PSME1: variants seen among roughly 807,000 people sequenced by gnomAD.
The protein encoded by PSME1 is proteasome activator complex subunit 1.
Under a neutral mutation model 38.4 loss-of-function variants are expected in PSME1, and 15 were observed. That is an observed-to-expected ratio of 0.39 (90% CI 0.26 to 0.60). The LOEUF is 0.60. Among genes scored for constraint, PSME1 ranks in the 20% least tolerant of loss-of-function variants. PSME1 has a pLI of 0.53. For synonymous variants in PSME1, 106 were observed against 106.8 expected (o/e 0.99, Z 0.05); for missense variants, 249 against 305.6 (o/e 0.81, Z 1.38).
Position 24,137,209 on chromosome 14 carries a change from C to T in PSME1, c.135+4C>T, listed in dbSNP as rs1219336587. 1 of 1,613,994 alleles carries T rather than the reference C, an allele frequency of 6.2e-7. No homozygotes were observed. Among genetic ancestry groups the T allele is most frequent in the South Asian group, 1.1e-5 (1 of 91,078 alleles). Reference sequence around the variant, plus strand: ...TGAGCTGGATGCATTTTTAAAGGTACCGCGGCTGGGCAGGGAGCTAGGGAG... The same window carrying T: ...TGAGCTGGATGCATTTTTAAAGGTATCGCGGCTGGGCAGGGAGCTAGGGAG... On this transcript the variant is annotated splice_donor_region_variant and intron_variant, in intron 3 of 10. Transcript: ENST00000206451.
Position 24,136,513 on chromosome 14 carries a change from A to G in PSME1, c.39+212A>G, listed in dbSNP as rs1364920194. On this transcript the variant is annotated intron_variant, in intron 1 of 10. Transcript: ENST00000206451. The surrounding 1 kb of genome is among the most constrained non-coding windows in gnomAD (Gnocchi z 4.8). ...GGTTCTGCGGGGTGAGGTGAAGCGG[A>G]GAGCTGGCGTGGAGGGGAACTCCGC... is the stretch of plus-strand genomic sequence containing the variant. 1.3e-5 allele frequency among the ~76,000 whole-genome samples: 2 copies of G among 152,250 alleles called. No individual in the cohort carries two copies. The highest frequency in any genetic ancestry group is 2.1e-4 in the South Asian group (1 of 4,828).
chr14:24,138,676 A>G (rs2037966527), intron 10 of PSME1, 60 bp from the exon 11 acceptor site: 3 of 1,613,782 alleles, frequency 1.9e-6, no homozygotes, highest in African/African-American at 2.7e-5. Flanking sequence ...CCACAAGGCT[A>G]GAAATGGGGC....
Position 24,136,232 on chromosome 14 carries a change from CT to C in PSME1, c.-29del. The C allele has an allele frequency of 6.6e-7, 1 of 1,518,128 alleles. No individual in the cohort carries two copies. Among genetic ancestry groups the C allele is most frequent in the Non-Finnish European group, 8.8e-7 (1 of 1,133,372 alleles). The allele number at this position is 1,518,128 out of a possible 1,614,324, so 94.0% of individuals were successfully genotyped here. A position where few individuals can be genotyped will look rare whatever the true frequency, so the allele number is the denominator to read the frequency against. ...TCCCTTCGCGGTGCCCACTCCACTCCTTGTGCGGCGCTAGGCCCCCCGTCCC... is the reference window on the plus strand; with the variant it reads ...TCCCTTCGCGGTGCCCACTCCACTCCTGTGCGGCGCTAGGCCCCCCGTCCC... On this transcript the variant is annotated 5_prime_UTR_variant, in exon 1 of 11. Coordinates refer to ENST00000206451, the MANE Select transcript of PSME1 (RefSeq NM_006263.4). The surrounding 1 kb of genome is among the most constrained non-coding windows in gnomAD (Gnocchi z 4.8).
chr14:24,137,362 C>T lies in PSME1; in HGVS notation c.177C>T (p.Ala59=), dbSNP rs1594354970. 5.6e-6 allele frequency: 9 copies of T among 1,613,994 alleles called. No homozygotes were observed. Among genetic ancestry groups the T allele is most frequent in the Non-Finnish European group, 7.6e-6 (9 of 1,180,022 alleles). ...AAGCCAACTTGAGCAATCTGAAGGC[C>T]CCATTGGACATCCCAGTGCCTGATC... ...LNEANLSNLK[A]PLDIPVPDPV... Residue 59 remains alanine (A), a synonymous_variant, in exon 4 of 11, where the codon GCC becomes GCT. Coordinates refer to ENST00000206451, the MANE Select transcript of PSME1 (RefSeq NM_006263.4).
Position 24,137,974 on chromosome 14 carries a change from G to A in PSME1, c.391-75G>A, listed in dbSNP as rs916854747. The A allele has an allele frequency of 7.6e-6, 12 of 1,569,322 alleles. No homozygotes were observed. In the African/African-American group the frequency reaches 1.5e-4, roughly 19 times the overall value. The stretch of plus-strand genomic sequence containing the variant: ...GGCACGCCTCCACCCAGTGTGGGGA[G>A]GGAAGCAAGGGAGAATATGAAACTG... On this transcript the variant is annotated intron_variant, in intron 6 of 10. Transcript: ENST00000206451.
At position 24,138,270 on chromosome 14, in the gene PSME1, GACC is replaced by G; in HGVS notation, c.527+11_527+13del. On this transcript the variant is annotated splice_region_variant and intron_variant, in intron 8 of 10. Transcript: ENST00000206451. ...TCCACACTCAAATCTCTAAGTGAGT[GACC>G]ACCCATGTGCACACTGTTTTTGTTT... The G allele has an allele frequency of 6.2e-7, 1 of 1,614,092 alleles. No homozygotes were observed.
rs1171349279 is a variant in PSME1, at chr14:24,137,660, CA to C, written c.293-39del. 3.7e-6 allele frequency: 6 copies of C among 1,609,530 alleles called. No individual in the cohort carries two copies. The African/African-American group carries it at 5.3e-5, about 14-fold the overall frequency. ...TCCAGTCTCCCCTTCGCCCCTCACA[CA>C]GGCTCAATCATGTGACTGACCCATT... On this transcript the variant is annotated intron_variant, in intron 5 of 10. Coordinates refer to ENST00000206451, the MANE Select transcript of PSME1 (RefSeq NM_006263.4).
Position 24,138,503 on chromosome 14 carries a change from G to C in PSME1, c.612G>C (p.Leu204=). 1 of 1,614,066 alleles carries C rather than the reference G, an allele frequency of 6.2e-7. No individual in the cohort carries two copies. The highest frequency in any genetic ancestry group is 8.5e-7 in the Non-Finnish European group (1 of 1,180,044). Residue 204 remains leucine, a synonymous_variant, in exon 10 of 11, where the codon CTG becomes CTC. Transcript: ENST00000206451. ...ATTATCGGCAGCTGGTGCACGAGCT[G>C]GATGAGGCAGAGTACCGGGACATCC... The part of the protein sequence containing the change: ...VGDYRQLVHE[L]DEAEYRDIRL...
At position 24,136,213 on chromosome 14, in the gene PSME1, C is replaced by T. The variant is rs1216083274; in HGVS notation, c.-50C>T. 3.3e-6 allele frequency: 5 copies of T among 1,508,362 alleles called. No homozygotes were observed. Among genetic ancestry groups the T allele is most frequent in the South Asian group, 1.3e-5 (1 of 79,768 alleles). 93.4% of individuals were successfully genotyped at this position (1,508,362 alleles called of 1,614,324 possible). On this transcript the variant is annotated 5_prime_UTR_variant, in exon 1 of 11. Coordinates refer to ENST00000206451, the MANE Select transcript of PSME1 (RefSeq NM_006263.4). The surrounding 1 kb of genome is among the most constrained non-coding windows in gnomAD (Gnocchi z 4.8). ...CGCCCTACCGCTTTCGCTTTCCCTTCGCGGTGCCCACTCCACTCCTTGTGC... is the reference window on the plus strand; with the variant it reads ...CGCCCTACCGCTTTCGCTTTCCCTTTGCGGTGCCCACTCCACTCCTTGTGC...
Position 24,137,450 on chromosome 14 carries a change from G to T in PSME1, c.246+19G>T. ...GCAGGAGGCAAGCTGGGAAGACCTG[G>T]GAGAAGGGATCCAACTATGGGGGTA... On this transcript the variant is annotated intron_variant, in intron 4 of 10. Transcript: ENST00000206451. The T allele has an allele frequency of 6.2e-7, 1 of 1,614,078 alleles. No individual in the cohort carries two copies. Among genetic ancestry groups the T allele is most frequent in the Non-Finnish European group, 8.5e-7 (1 of 1,179,938 alleles).
Position 24,136,916 on chromosome 14 carries a change from C to T in PSME1, c.40-69C>T. The stretch of plus-strand genomic sequence containing the variant: ...TCCCCAGGTCAGGCCCTACATAACC[C>T]TAAGGGAACTGTCCTCAAATGAACT... On this transcript the variant is annotated intron_variant, in intron 1 of 10. Transcript: ENST00000206451. The surrounding 1 kb of genome is among the most constrained non-coding windows in gnomAD (Gnocchi z 4.8). The T allele has an allele frequency of 6.3e-7, 1 of 1,598,804 alleles. No homozygotes were observed. Among genetic ancestry groups the T allele is most frequent in the South Asian group, 1.1e-5 (1 of 90,666 alleles).
chr14:24,138,196 GAGA>G lies in PSME1; in HGVS notation c.463_465del (p.Lys155del), dbSNP rs2037948802. On this transcript the variant is annotated inframe_deletion and splice_region_variant, in exon 8 of 11. Transcript: ENST00000206451. Reference sequence around the variant, plus strand: ...TTTCCCCCTTGCTTTTTTTCCCTAGGAGAAGGTGTTTGAGCTGATGACCAGCCT... The same window carrying G: ...TTTCCCCCTTGCTTTTTTTCCCTAGGAGGTGTTTGAGCTGATGACCAGCCT... The G allele has an allele frequency of 6.2e-7, 1 of 1,613,910 alleles. No homozygotes were observed. Among genetic ancestry groups the G allele is most frequent in the Non-Finnish European group, 8.5e-7 (1 of 1,180,000 alleles).
At chr14:24,138,012 A>G in intron 6 of PSME1, 37 bp from the exon 7 acceptor site, 4 of 1,608,240 alleles carry the variant, frequency 2.5e-6, no homozygotes, top group Non-Finnish European at 3.4e-6. Context: ...AATTGGGTAG[A>G]GGGCTGATGT....
Position 24,137,156 on chromosome 14 carries a change from T to C in PSME1, c.86T>C (p.Leu29Pro). ...EDLCTKTENLLGSYFPKKISE... is the reference protein window; with the variant it reads ...EDLCTKTENLPGSYFPKKISE... Reference sequence around the variant, plus strand: ...CCTCACACACAGACAGAGAACCTGCTCGGGAGCTATTTCCCCAAGAAGATT... The same window carrying C: ...CCTCACACACAGACAGAGAACCTGCCCGGGAGCTATTTCCCCAAGAAGATT... Residue 29 changes from leucine (L) to proline (P), a missense_variant, in exon 3 of 11, where the codon CTC becomes CCC. Physicochemically the swap from Leu to Pro is moderately conservative, Grantham distance 98. Transcript: ENST00000206451. 6.2e-7 allele frequency: 1 copy of C among 1,614,158 alleles called. No homozygotes were observed. Among genetic ancestry groups the C allele is most frequent in the South Asian group, 1.1e-5 (1 of 91,080 alleles).
chr14:24,137,849 T>C, intron 6 of PSME1, 52 bp downstream of exon 6: 2 of 1,587,104 alleles, frequency 1.3e-6, no homozygotes, highest in Non-Finnish European at 1.7e-6. Flanking sequence ...ATTGTCCTCT[T>C]GGTCCCTGCC....
chr14:24,137,722 C>G lies in PSME1; in HGVS notation c.315C>G (p.Asn105Lys), dbSNP rs201795415. The G allele has an allele frequency of 5.6e-6, 9 of 1,614,218 alleles. No individual in the cohort carries two copies. The highest frequency in any genetic ancestry group is 5.1e-6 in the Non-Finnish European group (6 of 1,180,036). ...TAGGTCCTCCCTGTGGCCCAGTGAA[C>G]TGCAATGAAAAGATCGTGGTCCTTC... ...EDKGPPCGPV[N>K]CNEKIVVLLQ... Residue 105 changes from asparagine (N) to lysine (K), a missense_variant, in exon 6 of 11, where the codon AAC becomes AAG. Coordinates refer to ENST00000206451, the MANE Select transcript of PSME1 (RefSeq NM_006263.4).
At chr14:24,137,832 T>TCAAA (rs748866453) in intron 6 of PSME1, 35 bp downstream of exon 6, 2 of 1,588,070 alleles carry the variant, frequency 1.3e-6, no homozygotes, top group Admixed American at 3.4e-5. Flanking sequence ...AGGCTTCAAG[T>TCAAA]CAAACCATTG....
chr14:24,138,634 C>T (rs1485978812), intron 10 of PSME1, 74 bp downstream of exon 10: 3 of 1,613,544 alleles, frequency 1.9e-6, no homozygotes, highest in East Asian at 2.2e-5. Context: ...ACCCTGCAGG[C>T]TAGGGGTTAA....
Position 24,137,196 on chromosome 14 carries a change from A to C in PSME1, c.126A>C (p.Ala42=). 6.2e-7 allele frequency: 1 copy of C among 1,614,138 alleles called. No homozygotes were observed. Among genetic ancestry groups the C allele is most frequent in the East Asian group, 2.2e-5 (1 of 44,874 alleles). Residue 42 remains alanine (A), a synonymous_variant, in exon 3 of 11, where the codon GCA becomes GCC. Transcript: ENST00000206451. ...YFPKKISELD[A]FLKEPALNEA... ...CCAAGAAGATTTCTGAGCTGGATGC[A>C]TTTTTAAAGGTACCGCGGCTGGGCA... is the stretch of plus-strand genomic sequence containing the variant.
Sources: gnomAD v4.1 joint callset for allele counts (sites outside exome capture counted in the v4.1 genomes callset) on GRCh38, gnomAD v4.1.1 for gene constraint, Gnocchi (gnomAD v3.1) non-coding constraint, MANE v1.5 for transcripts, NCBI Gene and HGNC (gene_info 2026-07-23, HGNC 2026-07-21) for gene names.